Variants in FLVCR2 observed in about 807,000 individuals in gnomAD.
The protein encoded by FLVCR2 is choline/ethanolamine transporter FLVCR2.
Under a neutral mutation model 48.9 loss-of-function variants are expected in FLVCR2, and 38 were observed. The observed-to-expected ratio is 0.78, with a 90% CI of 0.60 to 1.02. The LOEUF (loss-of-function observed/expected upper bound fraction) is 1.02. Ranked by LOEUF, FLVCR2 falls within the 50% of genes least tolerant of loss-of-function variation. The pLI, the probability that FLVCR2 is intolerant of heterozygous loss-of-function variation, is 0.00. For synonymous variants in FLVCR2, 255 were observed against 257.0 expected (o/e 0.99, Z 0.07); for missense variants, 664 against 663.3 (o/e 1.00, Z -0.01).
At chr14:75,612,794 G>C (rs2140028632) in intron 1 of FLVCR2, among the ~76,000 whole-genome samples, 1 of 152,248 alleles carries the variant, frequency 6.6e-6, no homozygotes, top group African/African-American at 2.4e-5. Flanking sequence ...TCAGTCCCAA[G>C]ACCCCCTGCC....
chr14:75,583,267 G>A (rs970383277), intron 1 of FLVCR2, among the ~76,000 whole-genome samples: 6 of 152,162 alleles, frequency 3.9e-5, no homozygotes, highest in Admixed American at 2.6e-4. Flanking sequence ...TTGATAAGGC[G>A]CAGATCCTGA....
At chr14:75,596,230 C>A in intron 1 of FLVCR2, 1 of 632,894 alleles carries the variant, frequency 1.6e-6, no homozygotes, top group Non-Finnish European at 2.9e-6. Flanking sequence ...CCTCAGACAG[C>A]CAGGGAGGAA....
intron 1 of FLVCR2, among the ~76,000 whole-genome samples, chr14:75,607,902 A>G (rs898813404): frequency 1.3e-5 from 2 of 152,122 alleles, no homozygotes; most frequent in African/African-American, 2.4e-5. Flanking sequence ...GTGAGACTCT[A>G]TCTCTACAAA....
chr14:75,645,895 G>A (rs1386331325), intron 9 of FLVCR2, among the ~76,000 whole-genome samples: 5 of 138,604 alleles, frequency 3.6e-5, no homozygotes, highest in African/African-American at 1.3e-4. Flanking sequence ...TCCAGCCTAG[G>A]CAGCAAAGTG....
intron 4 of FLVCR2, 118 bp downstream of exon 4, chr14:75,633,814 T>A (rs1025756931): frequency 3.6e-6 from 3 of 827,872 alleles, no homozygotes; most frequent in Non-Finnish European, 6.3e-6. Context: ...TAGGGTGATA[T>A]GGTGGTATGC....
intron 1 of FLVCR2, among the ~76,000 whole-genome samples, chr14:75,587,429 A>G (rs1259241990): frequency 6.6e-6 from 1 of 152,108 alleles, no homozygotes; most frequent in Non-Finnish European, 1.5e-5. Flanking sequence ...AGGGCCTAAC[A>G]CTTGTCTTCT....
In FLVCR2 at chr14:75,584,538, T is replaced by C. The variant is rs138454399; in HGVS notation, c.669+4897T>C. Among the ~76,000 whole-genome samples the C allele has an allele frequency of 6.8e-3, 1,029 of 152,296 alleles. 10 individuals carry two copies. Among genetic ancestry groups the C allele is most frequent in the African/African-American group, 0.023 (974 of 41,554 alleles). On this transcript the variant is annotated intron_variant, in intron 1 of 9. Coordinates refer to ENST00000238667, the MANE Select transcript of FLVCR2 (RefSeq NM_017791.3). ...TCGGGTAGTTTCTCTAAGTTTGTCA[T>C]AATTAACAGCTTCGTAAGCTGCCTT...
chr14:75,620,918 G>A lies in FLVCR2; in HGVS notation c.670-1161G>A, dbSNP rs555743475. 6.6e-5 allele frequency among the ~76,000 whole-genome samples: 10 copies of A among 152,298 alleles called. 1 individual carries two copies. In the South Asian group the frequency reaches 1.9e-3, roughly 28 times the overall value. On this transcript the variant is annotated intron_variant, in intron 1 of 9. Coordinates refer to ENST00000238667, the MANE Select transcript of FLVCR2 (RefSeq NM_017791.3). ...CTGTAGCTCTTTCAAGTACAACAAA[G>A]GAAAAATGAGACCTTACGACAAAGG... is the stretch of plus-strand genomic sequence containing the variant.
At chr14:75,598,018 C>A (rs1477154397) in intron 1 of FLVCR2, among the ~76,000 whole-genome samples, 3 of 150,200 alleles carry the variant, frequency 2.0e-5, no homozygotes, top group Admixed American at 6.6e-5. Flanking sequence ...TTTTCTTTTT[C>A]TTTTTTTGTA....
intron 3 of FLVCR2, among the ~76,000 whole-genome samples, chr14:75,629,945 G>T (rs965915346): frequency 6.6e-6 from 1 of 152,182 alleles, no homozygotes; most frequent in African/African-American, 2.4e-5. Context: ...TAGGGAGGGG[G>T]CTTCATGCCC....
intron 1 of FLVCR2, among the ~76,000 whole-genome samples, chr14:75,599,339 A>T (rs1402088359): frequency 6.7e-6 from 1 of 150,328 alleles, no homozygotes; most frequent in Non-Finnish European, 1.5e-5. Context: ...CCCCCCCAAA[A>T]AATTAAGAAA....
chr14:75,594,902 G>A (rs1888979944), intron 1 of FLVCR2, among the ~76,000 whole-genome samples: 1 of 151,998 alleles, frequency 6.6e-6, no homozygotes, highest in Non-Finnish European at 1.5e-5. Context: ...ATTTTTCATA[G>A]AGATGGGGTC....
chr14:75,639,257 C>A (rs180846267), intron 5 of FLVCR2, 95 bp from the exon 6 acceptor site: 1 of 819,434 alleles, frequency 1.2e-6, no homozygotes, highest in Non-Finnish European at 2.1e-6. Flanking sequence ...GCTTGACATG[C>A]GGCAGATACT....
chr14:75,646,118 T>C (rs1002873746), intron 9 of FLVCR2, among the ~76,000 whole-genome samples: 1 of 151,764 alleles, frequency 6.6e-6, no homozygotes, highest in African/African-American at 2.4e-5. Flanking sequence ...CCTGAAAGAG[T>C]GGCACTCGGA....
chr14:75,602,291 A>G (rs1229818988), intron 1 of FLVCR2, among the ~76,000 whole-genome samples: 1 of 151,992 alleles, frequency 6.6e-6, no homozygotes, highest in African/African-American at 2.4e-5. Flanking sequence ...GTTCGAATCC[A>G]TGATCTTTCT....
At chr14:75,617,427 T>A (rs375712666) in intron 1 of FLVCR2, among the ~76,000 whole-genome samples, 34 of 152,324 alleles carry the variant, frequency 2.2e-4, no homozygotes, top group South Asian at 1.2e-3. Context: ...AAATTAAATA[T>A]CCCAGGCTGC....
At chr14:75,597,155 C>T (rs1889042872) in intron 1 of FLVCR2, among the ~76,000 whole-genome samples, 1 of 151,660 alleles carries the variant, frequency 6.6e-6, no homozygotes, top group South Asian at 2.1e-4. Flanking sequence ...GTAGAGCTCA[C>T]CTGTAGTCCT....
At chr14:75,581,849 A>C (rs1478310638) in intron 1 of FLVCR2, among the ~76,000 whole-genome samples, 1 of 152,212 alleles carries the variant, frequency 6.6e-6, no homozygotes, top group Admixed American at 6.5e-5. Flanking sequence ...TTTAGGATAG[A>C]TTTCCATGAT....
At chr14:75,636,106 C>T (rs1272824715) in intron 5 of FLVCR2, among the ~76,000 whole-genome samples, 2 of 152,140 alleles carry the variant, frequency 1.3e-5, no homozygotes, top group East Asian at 1.9e-4. Flanking sequence ...CACTGGCTGG[C>T]GGGGCAGCTG....
Sources: allele counts gnomAD v4.1 joint callset (sites outside exome capture counted in the v4.1 genomes callset), GRCh38; gene constraint gnomAD v4.1.1; transcripts MANE v1.5; gene names NCBI Gene and HGNC (gene_info 2026-07-23, HGNC 2026-07-21).